The following TMEM272 variants were observed in gnomAD, a reference collection of about 807,000 sequenced individuals.
The protein encoded by TMEM272 is transmembrane protein 272, also known as long intergenic non-protein coding RNA 282.
Under a neutral mutation model 3.7 loss-of-function variants are expected in TMEM272, and 8 were observed. The observed-to-expected ratio is 2.17, with a 90% CI of 1.27 to 3.91. TMEM272 has a LOEUF of 3.91. Ranked by LOEUF, TMEM272 falls within the 30% of genes most tolerant of loss-of-function variation. TMEM272 has a pLI of 0.00. For missense variants in TMEM272, 166 were observed against 91.5 expected, an observed-to-expected ratio of 1.81 and a Z score of -3.32; for synonymous variants, 63 against 39.8, an observed-to-expected ratio of 1.58 and a Z score of -2.20.
chr13:51,870,763 A>C, the TMEM272 span, among the ~76,000 whole-genome samples: 1 of 152,202 alleles, frequency 6.6e-6, no homozygotes, highest in Non-Finnish European at 1.5e-5. Context: ...CCAAGGCTGG[A>C]AAATTAGCAG....
chr13:51,840,891 G>A (rs1459132946), intron 1 of TMEM272, among the ~76,000 whole-genome samples: 1 of 152,180 alleles, frequency 6.6e-6, no homozygotes, highest in Non-Finnish European at 1.5e-5. Context: ...TTTGACTCGG[G>A]ATTCTACCGA....
Position 51,814,258 on chromosome 13 carries a change from CCTTA to C in TMEM272, c.*2489_*2492del, listed in dbSNP as rs1178483962. On this transcript the variant is annotated 3_prime_UTR_variant, in exon 5 of 5. Transcript: ENST00000629372. ...AAGAACCACAGTTATAGACCATTTGCCTTACTTAGCCCCAGAGCCTCTTTCTTGA... is the reference window on the plus strand; with the variant it reads ...AAGAACCACAGTTATAGACCATTTGCCTTAGCCCCAGAGCCTCTTTCTTGA... The C allele has an allele frequency of 6.6e-6, 1 of 152,234 alleles. No homozygotes were observed. Among genetic ancestry groups the C allele is most frequent in the African/African-American group, 2.4e-5 (1 of 41,442 alleles). 9.4% of individuals were successfully genotyped at this position (152,234 alleles called of 1,614,324 possible).
rs117438496 is a variant in TMEM272, at chr13:51,823,463, T to C, written c.119-1326A>G. 4.8e-4 allele frequency among the ~76,000 whole-genome samples: 73 copies of C among 152,350 alleles called. No homozygotes were observed. In the East Asian group the frequency reaches 0.012, roughly 25 times the overall value. ...CCTGGAAACCATGGGTGGAGATGGA[T>C]TGTTCTCAAGATTGAAGCAGACTGG... On this transcript the variant is annotated intron_variant, in intron 3 of 4. Coordinates refer to ENST00000629372, the MANE Select transcript of TMEM272 (RefSeq NM_001351003.2).
the TMEM272 span, chr13:51,932,253 C>T: frequency 1.3e-5 from 2 of 152,288 alleles, no homozygotes; most frequent in African/African-American, 4.8e-5. Context: ...CAAGATTTTT[C>T]TGCTCCTCCT....
At chr13:51,854,998 T>C in the TMEM272 span, among the ~76,000 whole-genome samples, 1 of 152,166 alleles carries the variant, frequency 6.6e-6, no homozygotes, top group Admixed American at 6.5e-5. Context: ...CAGAGATACC[T>C]AGGCAGGGAG....
chr13:51,908,331 G>C, the TMEM272 span: 4 of 1,419,368 alleles, frequency 2.8e-6, no homozygotes, highest in Non-Finnish European at 4.0e-6. Flanking sequence ...GCAAAATCCA[G>C]GTCTTGGGGG....
chr13:51,919,843 C>T, the TMEM272 span, among the ~76,000 whole-genome samples: 1 of 152,222 alleles, frequency 6.6e-6, no homozygotes, highest in Non-Finnish European at 1.5e-5. Context: ...GCTTTTCTGA[C>T]TCCCCCACTC....
chr13:51,901,646 C>T, the TMEM272 span, among the ~76,000 whole-genome samples: 8,441 of 152,202 alleles, frequency 0.055, 279 homozygotes, highest in Middle Eastern at 0.1. Context: ...CTGCCCTCCC[C>T]CAGTGCCCAC....
At chr13:51,916,228 G>C in the TMEM272 span, among the ~76,000 whole-genome samples, 2 of 152,216 alleles carry the variant, frequency 1.3e-5, no homozygotes, top group Non-Finnish European at 2.9e-5. Flanking sequence ...GAGAACCCAT[G>C]GCTGGGCCCC....
At chr13:51,880,231 T>C in the TMEM272 span, among the ~76,000 whole-genome samples, 550 of 150,158 alleles carry the variant, frequency 3.7e-3, 6 homozygotes, top group African/African-American at 0.011. Context: ...TGCAGTAATT[T>C]TGAAGTTTCT....
intron 3 of TMEM272, among the ~76,000 whole-genome samples, chr13:51,825,669 C>T (rs6561648): frequency 0.9 from 134,803 of 149,356 alleles, 61,015 homozygotes; most frequent in East Asian, 1. Context: ...GGTCTCAGTC[C>T]TGTTGCCCAG....
At position 51,845,030 on chromosome 13, in the gene TMEM272, G is replaced by A. The variant is rs1054781369; in HGVS notation, c.-38C>T. On this transcript the variant is annotated 5_prime_UTR_variant, in exon 1 of 5. Transcript: ENST00000629372. ...GCCGGACTCACCTGAGCTAAGCAGA[G>A]TGGGATCCAGAATCGGGCAGCACTC... is the stretch of plus-strand genomic sequence containing the variant. The A allele has an allele frequency of 6.6e-6, 1 of 152,230 alleles. No homozygotes were observed. Among genetic ancestry groups the A allele is most frequent in the Non-Finnish European group, 1.5e-5 (1 of 68,060 alleles). The allele number at this position is 152,230 out of a possible 1,614,324, so 9.4% of individuals were successfully genotyped here. A position where few individuals can be genotyped will look rare whatever the true frequency, so the allele number is the denominator to read the frequency against.
chr13:51,913,897 T>C, the TMEM272 span, among the ~76,000 whole-genome samples: 1 of 152,130 alleles, frequency 6.6e-6, no homozygotes, highest in Non-Finnish European at 1.5e-5. Flanking sequence ...GGATTTTGGG[T>C]GCATTTGGGA....
At chr13:51,858,452 G>T in the TMEM272 span, among the ~76,000 whole-genome samples, 1 of 152,062 alleles carries the variant, frequency 6.6e-6, no homozygotes, top group Non-Finnish European at 1.5e-5. Context: ...AAAGATAATT[G>T]GAAAATCCCC....
intron 4 of TMEM272, among the ~76,000 whole-genome samples, chr13:51,820,086 C>T (rs1311031987): frequency 6.6e-6 from 1 of 152,168 alleles, no homozygotes; most frequent in East Asian, 1.9e-4. Flanking sequence ...GTAAGTATCA[C>T]ACAATACTTA....
chr13:51,853,411 C>CA, the TMEM272 span, among the ~76,000 whole-genome samples: 121 of 137,812 alleles, frequency 8.8e-4, no homozygotes, highest in South Asian at 9.5e-3. Context: ...CTCCATCTCT[C>CA]AAAAAAAAAA....
intron 3 of TMEM272, among the ~76,000 whole-genome samples, chr13:51,822,785 C>T (rs1956091607): frequency 1.3e-5 from 2 of 152,242 alleles, no homozygotes; most frequent in African/African-American, 4.8e-5. Flanking sequence ...CCTACCCAGT[C>T]TACCCTTTCT....
chr13:51,896,662 C>A, the TMEM272 span, among the ~76,000 whole-genome samples: 7 of 152,270 alleles, frequency 4.6e-5, no homozygotes, highest in African/African-American at 1.7e-4. Flanking sequence ...CCATGAGGCA[C>A]CCCTGCAGCG....
At chr13:51,920,681 C>A in the TMEM272 span, among the ~76,000 whole-genome samples, 1 of 152,220 alleles carries the variant, frequency 6.6e-6, no homozygotes, top group South Asian at 2.1e-4. Context: ...CTCATCACTG[C>A]CTCCTCTACC....
Sources: gnomAD v4.1 joint callset for allele counts (sites outside exome capture counted in the v4.1 genomes callset) on GRCh38, gnomAD v4.1.1 for gene constraint, MANE v1.5 for transcripts, NCBI Gene and HGNC (gene_info 2026-07-23, HGNC 2026-07-21) for gene names.